RANBP17: variants seen among roughly 807,000 people sequenced by gnomAD.
RANBP17 encodes the protein RAN binding protein 17.
Under a neutral mutation model 141.2 loss-of-function variants are expected in RANBP17, and 158 were observed. The observed-to-expected ratio is 1.12, with a 90% CI of 0.98 to 1.28. RANBP17 has a LOEUF of 1.28. Ranked by LOEUF, RANBP17 falls within the 50% of genes most tolerant of loss-of-function variation. The pLI, the probability that RANBP17 is intolerant of heterozygous loss-of-function variation, is 0.00. For synonymous variants in RANBP17, 430 were observed against 450.0 expected (o/e 0.96, Z 0.56); for missense variants, 1,438 against 1,290.7 (o/e 1.11, Z -1.75).
chr5:171,242,608 G>A (rs1291430249), intron 23 of RANBP17, 74 bp from the exon 24 acceptor site: 1 of 1,483,710 alleles, frequency 6.7e-7, no homozygotes, highest in Non-Finnish European at 9.2e-7. Flanking sequence ...TATTATAAAT[G>A]ACAATTTTCA....
intron 5 of RANBP17, among the ~76,000 whole-genome samples, chr5:170,901,210 A>G (rs933205131): frequency 2.0e-5 from 3 of 152,158 alleles, no homozygotes; most frequent in Non-Finnish European, 2.9e-5. Context: ...GGATGCATGT[A>G]TATTTAGGAT....
Position 171,199,696 on chromosome 5 carries a change from T to G in RANBP17, c.2065T>G (p.Phe689Val). ...TGAAGATGAGGATGAATTTGAGAATTTCATGCTGCCTCTTACAGTTGCTTT... is the reference window on the plus strand; with the variant it reads ...TGAAGATGAGGATGAATTTGAGAATGTCATGCTGCCTCTTACAGTTGCTTT... ...LGEDEDEFEN[F>V]MLPLTVAFET... The change falls in exon 19 of 28, where the codon TTC becomes GTC. Residue 689 changes from phenylalanine (F) to valine (V), a missense_variant. By Grantham distance (50) the Phe-to-Val change is conservative. Coordinates refer to ENST00000523189, the MANE Select transcript of RANBP17 (RefSeq NM_022897.5). The G allele has an allele frequency of 1.9e-6, 3 of 1,610,312 alleles. No homozygotes were observed. The highest frequency in any genetic ancestry group is 1.7e-5 in the Admixed American group (1 of 59,596).
intron 14 of RANBP17, among the ~76,000 whole-genome samples, chr5:171,016,176 C>CTTTTT (rs377305717): frequency 9.2e-6 from 1 of 109,102 alleles, no homozygotes. Context: ...GGGATCACTG[C>CTTTTT]TTTTTTTTTT....
intron 12 of RANBP17, among the ~76,000 whole-genome samples, chr5:170,930,039 A>AT (rs1164663140): frequency 2.0e-5 from 3 of 151,728 alleles, no homozygotes; most frequent in Non-Finnish European, 4.4e-5. Context: ...TAATTTTGTC[A>AT]TTTTTTTCTT....
intron 12 of RANBP17, among the ~76,000 whole-genome samples, chr5:170,940,611 A>G (rs527720770): frequency 3.3e-5 from 5 of 152,286 alleles, no homozygotes; most frequent in Admixed American, 2.0e-4. Context: ...GCAAAAATTG[A>G]TAGTCGTGCA....
intron 27 of RANBP17, among the ~76,000 whole-genome samples, chr5:171,297,055 T>C (rs1768864623): frequency 6.6e-6 from 1 of 152,214 alleles, no homozygotes; most frequent in Non-Finnish European, 1.5e-5. Flanking sequence ...TAATCAGTTG[T>C]GATGTTTAAA....
At chr5:171,284,837 G>A (rs752553473) in intron 25 of RANBP17, among the ~76,000 whole-genome samples, 9 of 152,172 alleles carry the variant, frequency 5.9e-5, no homozygotes, top group African/African-American at 1.4e-4. Flanking sequence ...GTACTTACCC[G>A]TAATTGCTGT....
chr5:171,187,176 G>A (rs530360894), intron 18 of RANBP17, among the ~76,000 whole-genome samples: 27 of 152,208 alleles, frequency 1.8e-4, no homozygotes, highest in African/African-American at 5.3e-4. Flanking sequence ...AGGAATGGCC[G>A]GTTTGTGGAG....
At chr5:171,074,592 C>T (rs1456999022) in intron 14 of RANBP17, among the ~76,000 whole-genome samples, 1 of 152,178 alleles carries the variant, frequency 6.6e-6, no homozygotes, top group Admixed American at 6.5e-5. Flanking sequence ...ACTCTCTTTG[C>T]AACTTTCCCG....
intron 14 of RANBP17, among the ~76,000 whole-genome samples, chr5:171,044,987 A>C (rs1374603702): frequency 4.6e-5 from 7 of 152,036 alleles, no homozygotes; most frequent in African/African-American, 1.7e-4. Context: ...ATTTTAATAA[A>C]TGCTTGTAAA....
At chr5:171,092,905 T>A (rs1041687920) in intron 14 of RANBP17, among the ~76,000 whole-genome samples, 1 of 152,208 alleles carries the variant, frequency 6.6e-6, no homozygotes, top group East Asian at 1.9e-4. Context: ...CCACTAATAT[T>A]TAGTTTGGTT....
chr5:170,990,580 T>TA lies in RANBP17; in HGVS notation c.1710+22210dup, dbSNP rs534848729. Among the ~76,000 whole-genome samples, 633 of 151,996 alleles carry TA rather than the reference T, an allele frequency of 4.2e-3. 6 individuals are homozygous for TA. The highest frequency in any genetic ancestry group is 0.014 in the African/African-American group (596 of 41,532). ...AAAGATTAGCATTTTTCAGGGCTGGTAAAAAAATATACTGTTTTATTTAAT... is the reference window on the plus strand; with the variant it reads ...AAAGATTAGCATTTTTCAGGGCTGGTAAAAAAAATATACTGTTTTATTTAAT... On this transcript the variant is annotated intron_variant, in intron 14 of 27. Transcript: ENST00000523189.
intron 5 of RANBP17, among the ~76,000 whole-genome samples, chr5:170,908,901 T>C (rs1340942379): frequency 6.6e-6 from 1 of 151,924 alleles, no homozygotes; most frequent in Admixed American, 6.6e-5. Flanking sequence ...ATTTTCTTCT[T>C]CCAAATAGCA....
chr5:171,255,831 G>T (rs1429693461), intron 24 of RANBP17, among the ~76,000 whole-genome samples: 1 of 152,070 alleles, frequency 6.6e-6, no homozygotes, highest in Non-Finnish European at 1.5e-5. Flanking sequence ...GTACATGATT[G>T]TTAGGATGGC....
At chr5:170,897,051 A>G in intron 5 of RANBP17, 1 of 883,936 alleles carries the variant, frequency 1.1e-6, no homozygotes. Context: ...ATGAGGCAAT[A>G]AGCAGCTTCC....
chr5:171,261,090 C>CAAAAAAAAAAAACAAAAAAAAA (rs11388391), intron 24 of RANBP17, among the ~76,000 whole-genome samples: 1 of 68,490 alleles, frequency 1.5e-5, no homozygotes, highest in Non-Finnish European at 2.5e-5. Flanking sequence ...CCACCCCCCC[C>CAAAAAAAAAAAACAAAAAAAAA]AAAAAAAAAA....
At chr5:171,000,107 A>G (rs1021023830) in intron 14 of RANBP17, among the ~76,000 whole-genome samples, 2 of 152,186 alleles carry the variant, frequency 1.3e-5, no homozygotes, top group African/African-American at 4.8e-5. Context: ...ATTCCCTTGT[A>G]TATGTATATC....
intron 14 of RANBP17, among the ~76,000 whole-genome samples, chr5:171,107,782 G>C (rs759128451): frequency 2.6e-5 from 4 of 152,196 alleles, no homozygotes; most frequent in Non-Finnish European, 5.9e-5. Context: ...CTTTGTCATG[G>C]AATAAAAAGA....
chr5:171,035,583 CT>C (rs1238876696), intron 14 of RANBP17, among the ~76,000 whole-genome samples: 1 of 146,916 alleles, frequency 6.8e-6, no homozygotes, highest in Admixed American at 6.8e-5. Flanking sequence ...ATGATACAGG[CT>C]TTATTATCTT....
Sources: gnomAD v4.1 joint callset for allele counts (sites outside exome capture counted in the v4.1 genomes callset) on GRCh38, gnomAD v4.1.1 for gene constraint, MANE v1.5 for transcripts, NCBI Gene and HGNC (gene_info 2026-07-23, HGNC 2026-07-21) for gene names.